CPNE7: variants seen among roughly 807,000 people sequenced by gnomAD.
CPNE7 encodes the protein copine-7.
A neutral mutation model predicts 66.5 loss-of-function variants in CPNE7; 78 were observed. That is an observed-to-expected ratio of 1.17 (90% CI 0.98 to 1.42). The LOEUF (loss-of-function observed/expected upper bound fraction) is 1.42, where lower values mean the gene tolerates loss of function less well. Among genes scored for constraint, CPNE7 ranks in the 40% most tolerant of loss-of-function variants. The pLI, the probability that CPNE7 is intolerant of heterozygous loss-of-function variation, is 0.00. For synonymous variants in CPNE7, 468 were observed against 336.7 expected (o/e 1.39, Z -4.27); for missense variants, 1,012 against 776.6 (o/e 1.30, Z -3.60).
chr16:89,596,836 G>A lies in CPNE7; in HGVS notation c.*215G>A. 1 of 508,308 alleles carries A rather than the reference G, an allele frequency of 2.0e-6. No homozygotes were observed. Among genetic ancestry groups the A allele is most frequent in the South Asian group, 4.5e-5 (1 of 22,352 alleles). 31.5% of individuals were successfully genotyped at this position (508,308 alleles called of 1,614,324 possible). A position where few individuals can be genotyped will look rare whatever the true frequency, so the allele number is the denominator to read the frequency against. On this transcript the variant is annotated 3_prime_UTR_variant, in exon 15 of 15. Coordinates refer to ENST00000319518, the MANE Select transcript of CPNE7 (RefSeq NM_153636.3). ...GACAAAATACAGGCCCCCATGCCTG[G>A]CCCTGCCTGAGCCAGGTGGGTGGAG...
At chr16:89,578,343 G>A (rs866290273) in intron 2 of CPNE7, among the ~76,000 whole-genome samples, 2 of 152,012 alleles carry the variant, frequency 1.3e-5, no homozygotes, top group African/African-American at 4.8e-5. Context: ...GATTACAGGC[G>A]TGAGCCACGG....
intron 2 of CPNE7, chr16:89,579,056 C>T (rs1225443315): frequency 3.4e-5 from 44 of 1,301,720 alleles, no homozygotes; most frequent in East Asian, 7.8e-5. Flanking sequence ...TTTGGAAGTC[C>T]GAGGTGGGGG....
Position 89,596,275 on chromosome 16 carries a change from C to T in CPNE7, c.1540-209C>T, listed in dbSNP as rs373806344. ...CTCCCGTGTCAGCACTTTTCATCTC[C>T]GTGCTTGGGGGGCTGGAAAGACCCA... On this transcript the variant is annotated intron_variant, in intron 14 of 14. Transcript: ENST00000319518. Among the ~76,000 whole-genome samples the T allele has an allele frequency of 1.3e-4, 20 of 152,368 alleles. 1 individual carries two copies. In the South Asian group the frequency reaches 1.7e-3, roughly 13 times the overall value.
chr16:89,587,572 G>T, intron 9 of CPNE7: 1 of 428,058 alleles, frequency 2.3e-6, no homozygotes, highest in South Asian at 1.6e-5. Context: ...CGTGAACGAG[G>T]AGAAACTGGA....
intron 1 of CPNE7, 95 bp from the exon 2 acceptor site, chr16:89,577,444 T>G: frequency 1.6e-6 from 2 of 1,268,878 alleles, no homozygotes; most frequent in Non-Finnish European, 2.2e-6. Context: ...CCTCCTGAGG[T>G]ACCTGGGCGT....
intron 2 of CPNE7, 86 bp from the exon 3 acceptor site, chr16:89,583,611 A>G (rs2058989867): frequency 6.2e-7 from 1 of 1,607,376 alleles, no homozygotes; most frequent in Non-Finnish European, 8.5e-7. Context: ...GACAGGCCTG[A>G]GAGTCCGGGT....
At chr16:89,586,553 T>A in intron 7 of CPNE7, 117 bp from the exon 8 acceptor site, 6 of 738,992 alleles carry the variant, frequency 8.1e-6, no homozygotes, top group Non-Finnish European at 1.2e-5. Context: ...TGCCCTCCCC[T>A]CCCCTCCCCA....
rs940125193 is a variant in CPNE7, at chr16:89,581,340, C to T, written c.358-2357C>T. On this transcript the variant is annotated intron_variant, in intron 2 of 14. Transcript: ENST00000319518. ...ACGGAACATCCCATCACCCGTCACA[C>T]GGAACATCCCGTCACCCATCACACG... Among the ~76,000 whole-genome samples, 52 of 151,094 alleles carry T rather than the reference C, an allele frequency of 3.4e-4. 1 individual carries two copies. The highest frequency in any genetic ancestry group is 2.9e-3 in the Admixed American group (44 of 15,162).
In CPNE7 at chr16:89,583,572, G is replaced by A. The variant is rs962613893; in HGVS notation, c.358-125G>A. 1.9e-6 allele frequency: 3 copies of A among 1,600,680 alleles called. No homozygotes were observed. The East Asian group carries it at 6.8e-5, about 36-fold the overall frequency. The stretch of plus-strand genomic sequence containing the variant: ...AAAGGGGGCGCGGGCCCTGGGCAGT[G>A]AAGCTCATGGTGGGGGATGGGGAGA... On this transcript the variant is annotated intron_variant, in intron 2 of 14. Coordinates refer to ENST00000319518, the MANE Select transcript of CPNE7 (RefSeq NM_153636.3).
In CPNE7 at chr16:89,583,973, C is replaced by A. The variant is rs1030406384; in HGVS notation, c.433-55C>A. 6.3e-6 allele frequency: 10 copies of A among 1,582,764 alleles called. No homozygotes were observed. The South Asian group carries it at 6.7e-5, about 11-fold the overall frequency. ...CCAGCCTGGGGCCTCTGGTCCCCCA[C>A]GGTGGGGTCAGGCCCCACCTGGCCA... On this transcript the variant is annotated intron_variant, in intron 3 of 14. Coordinates refer to ENST00000319518, the MANE Select transcript of CPNE7 (RefSeq NM_153636.3).
At chr16:89,590,003 C>G (rs746899286) in intron 11 of CPNE7, 52 bp downstream of exon 11, 2 of 1,601,154 alleles carry the variant, frequency 1.2e-6, no homozygotes, top group Non-Finnish European at 1.7e-6. Flanking sequence ...CTCGTGCCCT[C>G]CCAGGCAGAG....
intron 7 of CPNE7, 53 bp from the exon 8 acceptor site, chr16:89,586,616 TG>T: frequency 6.9e-7 from 1 of 1,449,806 alleles, no homozygotes; most frequent in Non-Finnish European, 9.7e-7. Flanking sequence ...AGGGTCTCCC[TG>T]GTAGGTGTTC....
At chr16:89,577,452 C>A in intron 1 of CPNE7, 87 bp from the exon 2 acceptor site, 1 of 1,342,748 alleles carries the variant, frequency 7.4e-7, no homozygotes, top group Non-Finnish European at 1.0e-6. Flanking sequence ...GGTACCTGGG[C>A]GTGGGTGAGC....
intron 7 of CPNE7, among the ~76,000 whole-genome samples, chr16:89,586,046 A>C (rs1488651234): frequency 3.3e-5 from 1 of 29,942 alleles, no homozygotes; most frequent in Non-Finnish European, 7.0e-5. Flanking sequence ...GGGGGCATTC[A>C]GGGAGGGGCA....
rs1486959901 is a variant in CPNE7 at position 89,576,003 on chromosome 16, C to A, written c.106C>A (p.Arg36Ser). The A allele has an allele frequency of 1.5e-6, 2 of 1,375,756 alleles. No individual in the cohort carries two copies. The highest frequency in any genetic ancestry group is 1.6e-5 in the South Asian group (1 of 62,164). The allele number at this position is 1,375,756 out of a possible 1,614,324, so 85.2% of individuals were successfully genotyped here. A position where few individuals can be genotyped will look rare whatever the true frequency, so the allele number is the denominator to read the frequency against. Residue 36 changes from arginine to serine, a missense_variant, in exon 1 of 15, where the codon CGC (arginine) becomes AGC (serine). Transcript: ENST00000319518. ...LRLSCRHLLD[R>S]DPLTKSDPSV... is the part of the protein sequence containing the mutation. Reference sequence around the variant, plus strand: ...GCTCAGCTGCCGGCACCTGCTGGACCGCGACCCGCTCACCAAGTCCGACCC... The same window carrying A: ...GCTCAGCTGCCGGCACCTGCTGGACAGCGACCCGCTCACCAAGTCCGACCC...
At chr16:89,589,778 G>T (rs561424892) in intron 10 of CPNE7, 119 bp from the exon 11 acceptor site, 1 of 1,049,314 alleles carries the variant, frequency 9.5e-7, no homozygotes, top group Non-Finnish European at 1.4e-6. Context: ...GCTTACTGCC[G>T]TGGTACCAGG....
intron 13 of CPNE7, among the ~76,000 whole-genome samples, chr16:89,592,008 TTGTTG>T (rs1267443445): frequency 5.0e-5 from 7 of 139,042 alleles, no homozygotes; most frequent in Middle Eastern, 3.5e-3. Flanking sequence ...ATTCTTTTTT[TTGTTG>T]TTTTTTTTTT....
At chr16:89,591,860 C>T (rs555893418) in intron 13 of CPNE7, among the ~76,000 whole-genome samples, 17 of 151,998 alleles carry the variant, frequency 1.1e-4, no homozygotes, top group Admixed American at 1.3e-4. Context: ...GCCACCACTT[C>T]TGGCTAATTT....
At chr16:89,587,427 C>G (rs1243293359) in intron 9 of CPNE7, 1 of 384,020 alleles carries the variant, frequency 2.6e-6, no homozygotes, top group East Asian at 7.7e-5. Flanking sequence ...TGTCTCCATG[C>G]GCGGCTCCTG....
Sources: gnomAD v4.1 joint callset for allele counts (sites outside exome capture counted in the v4.1 genomes callset) on GRCh38, gnomAD v4.1.1 for gene constraint, MANE v1.5 for transcripts, NCBI Gene and HGNC (gene_info 2026-07-23, HGNC 2026-07-21) for gene names.